The following PTPRD variants were observed in gnomAD, a reference collection of about 807,000 sequenced individuals.
PTPRD encodes the protein protein tyrosine phosphatase receptor type D, also known as receptor-type tyrosine-protein phosphatase delta.
A neutral mutation model predicts 214.5 loss-of-function variants in PTPRD; 34 were observed. The ratio of observed to expected loss-of-function variants is 0.16; its 90% CI spans 0.12 to 0.21. PTPRD has a LOEUF of 0.21. Among genes scored for constraint, PTPRD ranks in the 10% least tolerant of loss-of-function variants. The pLI is 1.00. For synonymous variants in PTPRD, 1,128 were observed against 845.7 expected, an observed-to-expected ratio of 1.33 and a Z score of -5.79; for missense variants, 2,545 against 2,398.7, an observed-to-expected ratio of 1.06 and a Z score of -1.27.
chr9:9,009,146 G>T (rs1424955938), intron 11 of PTPRD, among the ~76,000 whole-genome samples: 1 of 88,336 alleles, frequency 1.1e-5, no homozygotes, highest in Non-Finnish European at 3.3e-5. Context: ...ATTTTATTTA[G>T]GATTTTTTTT....
chr9:10,374,128 T>C (rs555750724), intron 2 of PTPRD, among the ~76,000 whole-genome samples: 2 of 152,196 alleles, frequency 1.3e-5, no homozygotes, highest in East Asian at 1.9e-4. Flanking sequence ...AAAGCCCTTT[T>C]GAGGGTCCTC....
At chr9:9,652,632 G>C (rs1437891272) in intron 7 of PTPRD, among the ~76,000 whole-genome samples, 6 of 111,558 alleles carry the variant, frequency 5.4e-5, no homozygotes, top group Non-Finnish European at 9.5e-5. Context: ...TTTTTTTTTT[G>C]AGATGTAGTT....
chr9:10,539,082 C>T (rs1465587574), intron 2 of PTPRD, among the ~76,000 whole-genome samples: 1 of 152,208 alleles, frequency 6.6e-6, no homozygotes, highest in Non-Finnish European at 1.5e-5. Flanking sequence ...ACTGAAAATA[C>T]CCCTTTCTCT....
chr9:9,352,513 T>A (rs1596254724), intron 9 of PTPRD, among the ~76,000 whole-genome samples: 2 of 151,880 alleles, frequency 1.3e-5, no homozygotes, highest in Non-Finnish European at 2.9e-5. Flanking sequence ...ACATTTTGCA[T>A]TCTTTGGCTT....
chr9:9,403,501 C>T (rs1186141511), intron 8 of PTPRD, among the ~76,000 whole-genome samples: 1 of 151,650 alleles, frequency 6.6e-6, no homozygotes, highest in Non-Finnish European at 1.5e-5. Flanking sequence ...CATAATCACT[C>T]TCCACACCTC....
At chr9:9,336,146 C>A (rs1162256509) in intron 9 of PTPRD, among the ~76,000 whole-genome samples, 1 of 149,892 alleles carries the variant, frequency 6.7e-6, no homozygotes, top group Non-Finnish European at 1.5e-5. Context: ...AGCTTTGTAA[C>A]CGCCTCATAA....
chr9:8,478,416 T>C (rs1591547003), intron 30 of PTPRD, among the ~76,000 whole-genome samples: 1 of 152,250 alleles, frequency 6.6e-6, no homozygotes, highest in Admixed American at 6.5e-5. Flanking sequence ...GAAAATTTCA[T>C]AGAATACCCT....
At chr9:9,136,928 G>C (rs10977518) in intron 10 of PTPRD, among the ~76,000 whole-genome samples, 5,917 of 152,124 alleles carry the variant, frequency 0.039, 240 homozygotes, top group African/African-American at 0.093. Context: ...TTTACTCTGT[G>C]CCTGGCTTGC....
At chr9:9,644,167 G>C (rs908934451) in intron 7 of PTPRD, among the ~76,000 whole-genome samples, 1 of 152,066 alleles carries the variant, frequency 6.6e-6, no homozygotes, top group African/African-American at 2.4e-5. Flanking sequence ...AGATTTCTTT[G>C]TGACAGTAGC....
chr9:10,159,376 C>A (rs1173752721), intron 3 of PTPRD, among the ~76,000 whole-genome samples: 2 of 151,302 alleles, frequency 1.3e-5, no homozygotes, highest in African/African-American at 2.4e-5. Context: ...GCAAATATAT[C>A]TAAGCAAATA....
intron 11 of PTPRD, among the ~76,000 whole-genome samples, chr9:8,949,211 G>A (rs1206782569): frequency 7.0e-6 from 1 of 142,614 alleles, no homozygotes; most frequent in Admixed American, 7.1e-5. Context: ...GCAACAGAGC[G>A]AGACTCCATC....
At chr9:9,428,934 G>A (rs1217567018) in intron 8 of PTPRD, among the ~76,000 whole-genome samples, 1 of 152,140 alleles carries the variant, frequency 6.6e-6, no homozygotes, top group African/African-American at 2.4e-5. Context: ...AGCACTAAAT[G>A]CCCACAAGAG....
chr9:9,595,335 ATATATTG>A (rs1385105150), intron 7 of PTPRD, among the ~76,000 whole-genome samples: 1 of 80,740 alleles, frequency 1.2e-5, no homozygotes, highest in African/African-American at 3.0e-5. Context: ...TATATATAAT[ATATATTG>A]TATATTCATC....
chr9:9,631,519 T>A (rs2095594461), intron 7 of PTPRD, among the ~76,000 whole-genome samples: 1 of 152,030 alleles, frequency 6.6e-6, no homozygotes, highest in Admixed American at 6.6e-5. Flanking sequence ...GTATAGGGCC[T>A]TTTTTTCTTG....
chr9:9,702,992 T>C (rs2097532228), intron 7 of PTPRD, among the ~76,000 whole-genome samples: 1 of 152,212 alleles, frequency 6.6e-6, no homozygotes, highest in Non-Finnish European at 1.5e-5. Context: ...AATGTACTAC[T>C]GATATGCTTG....
chr9:9,510,747 G>A (rs1206437330), intron 8 of PTPRD, among the ~76,000 whole-genome samples: 2 of 150,882 alleles, frequency 1.3e-5, no homozygotes, highest in East Asian at 2.0e-4. Context: ...GCATAATCAT[G>A]CATCCTTGAT....
At chr9:8,338,823 C>G (rs1048740439) in intron 43 of PTPRD, 99 bp downstream of exon 43, 2 of 1,011,388 alleles carry the variant, frequency 2.0e-6, no homozygotes, top group South Asian at 2.8e-5. Context: ...TTTGGGACAA[C>G]AGTCAAGTGG....
At chr9:9,190,679 G>A (rs1348356579) in intron 9 of PTPRD, among the ~76,000 whole-genome samples, 2 of 152,108 alleles carry the variant, frequency 1.3e-5, no homozygotes, top group Non-Finnish European at 2.9e-5. Context: ...TGAGAACTGT[G>A]AGCCAGTAGA....
At chr9:8,771,180 C>CAAAAAAAAA (rs35840345) in intron 11 of PTPRD, among the ~76,000 whole-genome samples, 8 of 141,128 alleles carry the variant, frequency 5.7e-5, no homozygotes, top group African/African-American at 2.2e-4. Flanking sequence ...GATTCCGTCT[C>CAAAAAAAAA]AAAAAAAAAA....
Sources: gnomAD v4.1 joint callset for allele counts (sites outside exome capture counted in the v4.1 genomes callset) on GRCh38, gnomAD v4.1.1 for gene constraint, MANE v1.5 for transcripts, NCBI Gene and HGNC (gene_info 2026-07-23, HGNC 2026-07-21) for gene names.